The following NREP variants were observed in gnomAD, a reference collection of about 807,000 sequenced individuals.
NREP encodes the protein neuronal regeneration-related protein.
Under a neutral mutation model 8.6 loss-of-function variants are expected in NREP, and 5 were observed. The ratio of observed to expected loss-of-function variants is 0.58; its 90% CI spans 0.30 to 1.22. The LOEUF is 1.22. Ranked by LOEUF, NREP falls within the 50% of genes most tolerant of loss-of-function variation. NREP has a pLI of 0.07. For missense variants in NREP, 86 were observed against 82.5 expected (o/e 1.04, Z -0.17); for synonymous variants, 27 against 28.0 (o/e 0.96, Z 0.11).
rs1031148196 is a variant in NREP, at chr5:111,729,654, G to A, written c.*1267C>T. The A allele has an allele frequency of 5.2e-5, 8 of 152,572 alleles. No individual in the cohort carries two copies. The highest frequency in any genetic ancestry group is 1.4e-4 in the African/African-American group (6 of 41,438). 9.5% of individuals were successfully genotyped at this position (152,572 alleles called of 1,614,324 possible). A position where few individuals can be genotyped will look rare whatever the true frequency, so the allele number is the denominator to read the frequency against. ...CAAGGCCTGCCCTGTCAAAAGAAGA[G>A]CTAAAGACAGTTATATAAAAATTAA... On this transcript the variant is annotated 3_prime_UTR_variant, in exon 4 of 4. Transcript: ENST00000257435.
At chr5:111,927,619 T>G (rs1317290162) in intron 2 of NREP, among the ~76,000 whole-genome samples, 1 of 152,196 alleles carries the variant, frequency 6.6e-6, no homozygotes, top group East Asian at 1.9e-4. Flanking sequence ...TGTAAAAATA[T>G]AGATTTACTG....
At chr5:111,781,605 G>A (rs999433675) in intron 2 of NREP, among the ~76,000 whole-genome samples, 1 of 152,108 alleles carries the variant, frequency 6.6e-6, no homozygotes, top group South Asian at 2.1e-4. Context: ...AGCCTCCACA[G>A]TTTAGGATAA....
intron 2 of NREP, among the ~76,000 whole-genome samples, chr5:111,767,745 A>C (rs1457719651): frequency 6.6e-6 from 1 of 152,134 alleles, no homozygotes; most frequent in East Asian, 1.9e-4. Flanking sequence ...AGCTCACTAC[A>C]GACTCCACCT....
At chr5:111,852,131 A>G (rs1012305423) in intron 2 of NREP, among the ~76,000 whole-genome samples, 17 of 152,146 alleles carry the variant, frequency 1.1e-4, no homozygotes, top group African/African-American at 3.4e-4. Flanking sequence ...TTGCCTTTCT[A>G]TATTCCACCA....
chr5:111,802,596 A>G (rs1326776571), intron 2 of NREP, among the ~76,000 whole-genome samples: 1 of 152,230 alleles, frequency 6.6e-6, no homozygotes, highest in Non-Finnish European at 1.5e-5. Context: ...AATGTAAAAA[A>G]CAACAAACTG....
chr5:111,971,053 C>T (rs1299083841), intron 2 of NREP, among the ~76,000 whole-genome samples: 1 of 152,056 alleles, frequency 6.6e-6, no homozygotes, highest in East Asian at 1.9e-4. Context: ...ACAAGTTCCC[C>T]TTCCCCTAGT....
intron 2 of NREP, among the ~76,000 whole-genome samples, chr5:111,790,347 C>CTTTTTTTTTTTTTTTTTTTTTTT (rs57775701): frequency 5.0e-5 from 3 of 59,594 alleles, no homozygotes; most frequent in African/African-American, 6.9e-5. Context: ...AAAACCTTAA[C>CTTTTTTTTTTTTTTTTTTTTTTT]TTTTTTTTTT....
intron 2 of NREP, among the ~76,000 whole-genome samples, chr5:111,955,400 G>T (rs1581248828): frequency 6.6e-6 from 1 of 150,482 alleles, no homozygotes; most frequent in African/African-American, 2.5e-5. Flanking sequence ...GGCCATCCAG[G>T]ACCTTGTATC....
chr5:111,811,282 G>A (rs554215597), intron 2 of NREP, among the ~76,000 whole-genome samples: 1 of 151,856 alleles, frequency 6.6e-6, no homozygotes, highest in East Asian at 1.9e-4. Context: ...CTGGAATATT[G>A]AACACCACTG....
chr5:111,926,056 C>T (rs1412268894), intron 2 of NREP, among the ~76,000 whole-genome samples: 1 of 152,094 alleles, frequency 6.6e-6, no homozygotes, highest in African/African-American at 2.4e-5. Flanking sequence ...TACACCTGGG[C>T]TAGATTTTGG....
intron 2 of NREP, among the ~76,000 whole-genome samples, chr5:111,907,949 A>G (rs1453376391): frequency 6.6e-6 from 1 of 152,086 alleles, no homozygotes; most frequent in Non-Finnish European, 1.5e-5. Context: ...ACATTGGTTG[A>G]GAAAATACTA....
intron 2 of NREP, among the ~76,000 whole-genome samples, chr5:111,937,415 C>G (rs768133867): frequency 1.3e-5 from 2 of 152,042 alleles, no homozygotes; most frequent in Non-Finnish European, 2.9e-5. Flanking sequence ...GGTCTCTTTC[C>G]AAGTATGAAG....
intron 2 of NREP, among the ~76,000 whole-genome samples, chr5:111,843,347 A>G (rs1035904978): frequency 3.3e-5 from 5 of 151,680 alleles, no homozygotes; most frequent in African/African-American, 1.2e-4. Flanking sequence ...TTTAAGCTCT[A>G]TATGGAAGTT....
In NREP at chr5:111,875,327, A is replaced by T. The variant is rs190272349; in HGVS notation, c.135+99947T>A. On this transcript the variant is annotated intron_variant, in intron 2 of 3. Transcript: ENST00000395634. ...AAAGAAAAAGATAGATAGAAAATGC[A>T]TTTTACCAGATCTGGAGTTATCAAT... Among the ~76,000 whole-genome samples the T allele has an allele frequency of 1.5e-3, 222 of 152,266 alleles. 2 individuals carry two copies. The highest frequency in any genetic ancestry group is 2.5e-3 in the Non-Finnish European group (171 of 68,008).
At chr5:111,877,348 T>C (rs190715004) in intron 2 of NREP, among the ~76,000 whole-genome samples, 162 of 152,362 alleles carry the variant, frequency 1.1e-3, no homozygotes, top group Admixed American at 2.3e-3. Flanking sequence ...AATATCATGT[T>C]ATTCACACTC....
intron 2 of NREP, among the ~76,000 whole-genome samples, chr5:111,787,621 G>A (rs1178587034): frequency 1.3e-5 from 2 of 151,354 alleles, no homozygotes; most frequent in Non-Finnish European, 2.9e-5. Flanking sequence ...GAAAAAAAAA[G>A]GTGAAGAAAT....
At chr5:111,733,194 C>T (rs1748760368) in intron 3 of NREP, 1 of 152,160 alleles carries the variant, frequency 6.6e-6, no homozygotes, top group Non-Finnish European at 1.5e-5. Context: ...GGCTGGAGTA[C>T]TCTATTCGAT....
intron 2 of NREP, among the ~76,000 whole-genome samples, chr5:111,797,552 G>A (rs1053897676): frequency 1.2e-4 from 18 of 152,188 alleles, no homozygotes; most frequent in African/African-American, 4.3e-4. Flanking sequence ...ATATAAAGCT[G>A]ATAATATTGC....
intron 2 of NREP, among the ~76,000 whole-genome samples, chr5:111,931,328 C>G (rs1755531070): frequency 6.6e-6 from 1 of 152,056 alleles, no homozygotes. Context: ...GGCAGTGTGG[C>G]TTCCTCTTTA....
Sources: allele counts gnomAD v4.1 joint callset (sites outside exome capture counted in the v4.1 genomes callset), GRCh38; gene constraint gnomAD v4.1.1; transcripts MANE v1.5; gene names NCBI Gene and HGNC (gene_info 2026-07-23, HGNC 2026-07-21).